ITGA9: variants seen among roughly 807,000 people sequenced by gnomAD.
ITGA9 encodes integrin subunit alpha 9.
A neutral mutation model predicts 127.8 loss-of-function variants in ITGA9; 56 were observed. The ratio of observed to expected loss-of-function variants is 0.44; its 90% CI spans 0.35 to 0.55. The LOEUF is 0.55. Ranked by LOEUF, ITGA9 falls within the 20% of genes least tolerant of loss-of-function variation. The probability of loss-of-function intolerance (pLI) is 0.00; values close to 1 mark genes in which losing one functional copy is unlikely to be tolerated. For missense variants in ITGA9, 1,196 were observed against 1,347.1 expected, an observed-to-expected ratio of 0.89 and a Z score of 1.76; for synonymous variants, 508 against 514.5, an observed-to-expected ratio of 0.99 and a Z score of 0.17.
chr3:37,458,252 C>T (rs1698281421), intron 1 of ITGA9, among the ~76,000 whole-genome samples: 1 of 152,176 alleles, frequency 6.6e-6, no homozygotes, highest in African/African-American at 2.4e-5. Flanking sequence ...AAGGCCCACC[C>T]CAGCCTGAGA....
At chr3:37,619,096 C>G (rs962079193) in intron 15 of ITGA9, among the ~76,000 whole-genome samples, 1 of 152,182 alleles carries the variant, frequency 6.6e-6, no homozygotes, top group South Asian at 2.1e-4. Flanking sequence ...ATTTGGCCGT[C>G]TTCGCTGTTA....
intron 15 of ITGA9, among the ~76,000 whole-genome samples, chr3:37,582,567 G>T (rs1009434809): frequency 1.3e-5 from 2 of 152,204 alleles, no homozygotes; most frequent in African/African-American, 4.8e-5. Context: ...TGCCTAGGTG[G>T]CAGGATTTTG....
intron 15 of ITGA9, among the ~76,000 whole-genome samples, chr3:37,607,568 G>T (rs1331489038): frequency 2.0e-5 from 3 of 152,116 alleles, no homozygotes; most frequent in African/African-American, 7.2e-5. Context: ...CTGCCTCTCA[G>T]ATTAAGGCAC....
chr3:37,459,994 C>T (rs997242260), intron 1 of ITGA9, among the ~76,000 whole-genome samples: 1 of 152,122 alleles, frequency 6.6e-6, no homozygotes. Flanking sequence ...TTTGAAGGGC[C>T]TCTTCTCACA....
At chr3:37,538,099 G>GAA (rs1452141978) in intron 14 of ITGA9, among the ~76,000 whole-genome samples, 1 of 152,222 alleles carries the variant, frequency 6.6e-6, no homozygotes, top group African/African-American at 2.4e-5. Flanking sequence ...GCTTTCACCA[G>GAA]AGTGTGAAAC....
chr3:37,818,232 A>C (rs936466374), intron 27 of ITGA9: 2 of 142,910 alleles, frequency 1.4e-5, no homozygotes, highest in African/African-American at 5.2e-5. Flanking sequence ...CACTTCCCAA[A>C]CTTATTTGAC....
chr3:37,602,980 C>A (rs766435218), intron 15 of ITGA9, among the ~76,000 whole-genome samples: 1 of 152,170 alleles, frequency 6.6e-6, no homozygotes, highest in Non-Finnish European at 1.5e-5. Flanking sequence ...CTAGAATTTC[C>A]CTGTGGATCA....
chr3:37,515,140 A>T (rs1331366368), intron 9 of ITGA9, among the ~76,000 whole-genome samples: 1 of 152,228 alleles, frequency 6.6e-6, no homozygotes, highest in Admixed American at 6.5e-5. Context: ...GAAAACGCTT[A>T]TGGAGATAAT....
chr3:37,457,544 C>T (rs769301182), intron 1 of ITGA9, among the ~76,000 whole-genome samples: 4 of 152,236 alleles, frequency 2.6e-5, no homozygotes, highest in Non-Finnish European at 5.9e-5. Flanking sequence ...CAGAGTTCCT[C>T]TGTCCTGTGC....
intron 17 of ITGA9, among the ~76,000 whole-genome samples, chr3:37,676,382 G>A (rs1358625146): frequency 6.6e-6 from 1 of 152,186 alleles, no homozygotes; most frequent in Non-Finnish European, 1.5e-5. Context: ...GGCAGCTCTG[G>A]TCTAGCACAT....
intron 8 of ITGA9, among the ~76,000 whole-genome samples, chr3:37,512,052 C>CT (rs1428669585): frequency 2.4e-5 from 1 of 42,122 alleles, no homozygotes; most frequent in Non-Finnish European, 5.3e-5. Flanking sequence ...TTCTTTCTTT[C>CT]TTTCTTTCTT....
At chr3:37,669,453 A>G (rs1440236993) in intron 17 of ITGA9, among the ~76,000 whole-genome samples, 3 of 152,326 alleles carry the variant, frequency 2.0e-5, no homozygotes, top group Admixed American at 6.5e-5. Flanking sequence ...TGGCTCGCCA[A>G]CAGATCCCTG....
chr3:37,732,529 C>A (rs1035576118), intron 18 of ITGA9, among the ~76,000 whole-genome samples, 183 bp from the exon 19 acceptor site: 5 of 152,182 alleles, frequency 3.3e-5, no homozygotes, highest in Admixed American at 3.3e-4. Flanking sequence ...CCTGTCTTCC[C>A]AGGGAACCCA....
intron 1 of ITGA9, among the ~76,000 whole-genome samples, chr3:37,456,040 C>T (rs1480283478): frequency 6.6e-6 from 1 of 152,148 alleles, no homozygotes; most frequent in Non-Finnish European, 1.5e-5. Flanking sequence ...GGTGATCTTG[C>T]TTTTCCCAGC....
At chr3:37,690,701 C>G (rs181203301) in intron 18 of ITGA9, among the ~76,000 whole-genome samples, 1 of 152,280 alleles carries the variant, frequency 6.6e-6, no homozygotes, top group African/African-American at 2.4e-5. Context: ...GAAGGGAGAA[C>G]AAGCAGGGCA....
chr3:37,770,196 C>G (rs539351998), intron 23 of ITGA9, among the ~76,000 whole-genome samples: 9 of 152,300 alleles, frequency 5.9e-5, no homozygotes, highest in African/African-American at 2.2e-4. Context: ...AGAGCAGTAC[C>G]CTCCACACAT....
intron 27 of ITGA9, 52 bp downstream of exon 27, chr3:37,803,994 G>A: frequency 6.2e-7 from 1 of 1,613,312 alleles, no homozygotes. Flanking sequence ...TAGATGCCCA[G>A]CTCTCCTGCC....
intron 18 of ITGA9, among the ~76,000 whole-genome samples, chr3:37,731,643 T>C (rs1696294039): frequency 6.6e-6 from 1 of 152,210 alleles, no homozygotes; most frequent in Admixed American, 6.5e-5. Flanking sequence ...CAATGAACTT[T>C]CACAAAATGA....
chr3:37,808,885 A>C (rs904057616), intron 27 of ITGA9: 4 of 152,142 alleles, frequency 2.6e-5, no homozygotes, highest in African/African-American at 9.7e-5. Context: ...CTTAGGCTGA[A>C]AGAGAGCGCT....
Sources: allele counts gnomAD v4.1 joint callset (sites outside exome capture counted in the v4.1 genomes callset), GRCh38; gene constraint gnomAD v4.1.1; transcripts MANE v1.5; gene names NCBI Gene and HGNC (gene_info 2026-07-23, HGNC 2026-07-21).